KATNAL2: variants seen among roughly 807,000 people sequenced by gnomAD.
KATNAL2 encodes katanin p60 ATPase-containing subunit A-like 2.
KATNAL2 carries 52 observed loss-of-function variants against 76.3 expected under a neutral mutation model. The ratio of observed to expected loss-of-function variants is 0.68; its 90% confidence interval spans 0.55 to 0.86. KATNAL2 has a LOEUF of 0.86. Among genes scored for constraint, KATNAL2 ranks in the 40% least tolerant of loss-of-function variants. The pLI is 0.00. For synonymous variants in KATNAL2, 243 were observed against 244.2 expected (o/e 1.00, Z 0.05); for missense variants, 660 against 668.9 (o/e 0.99, Z 0.15).
chr18:47,052,659 G>A (rs2061369119), intron 4 of KATNAL2, among the ~76,000 whole-genome samples: 1 of 152,154 alleles, frequency 6.6e-6, no homozygotes, highest in South Asian at 2.1e-4. Flanking sequence ...GAATAAGTAT[G>A]TAACTTTCAA....
rs181756959 is a variant in KATNAL2, at chr18:47,071,084, C to T, written c.1008+1484C>T. On this transcript the variant is annotated intron_variant, in intron 13 of 17. Coordinates refer to ENST00000683218, the MANE Select transcript of KATNAL2 (RefSeq NM_001387690.1). ...TACAGTATTCACAGGATGCAAAACC[C>T]GAGTATATGTGGGTTTCCCAGGATC... is the stretch of plus-strand genomic sequence containing the variant. 1.1e-3 allele frequency among the ~76,000 whole-genome samples: 161 copies of T among 152,100 alleles called. 1 individual carries two copies. The highest frequency in any genetic ancestry group is 0.01 in the Admixed American group (153 of 15,274).
At position 47,067,191 on chromosome 18, in the gene KATNAL2, A is replaced by G. The variant is rs544246054; in HGVS notation, c.825+72A>G. On this transcript the variant is annotated intron_variant, in intron 11 of 17. Coordinates refer to ENST00000683218, the MANE Select transcript of KATNAL2 (RefSeq NM_001387690.1). ...TGGACAAGCTGTATGTCACACAACTATCAGGAAGGGAAGGGCAGGATGATT... is the reference window on the plus strand; with the variant it reads ...TGGACAAGCTGTATGTCACACAACTGTCAGGAAGGGAAGGGCAGGATGATT... 8.1e-5 allele frequency: 55 copies of G among 678,402 alleles called. 1 individual carries two copies. In the South Asian group the frequency reaches 1.3e-3, roughly 16 times the overall value. The allele number at this position is 678,402 out of a possible 1,614,324, so 42.0% of individuals were successfully genotyped here.
intron 3 of KATNAL2, among the ~76,000 whole-genome samples, chr18:46,948,361 C>T (rs1186254695): frequency 1.3e-5 from 2 of 151,668 alleles, no homozygotes; most frequent in East Asian, 3.9e-4. Flanking sequence ...ATCTTCCCCC[C>T]TCAGCCTCCC....
intron 12 of KATNAL2, 94 bp downstream of exon 12, chr18:47,069,377 A>G: frequency 5.2e-6 from 7 of 1,349,624 alleles, no homozygotes; most frequent in Non-Finnish European, 7.3e-6. Context: ...GGGGCACACG[A>G]GAGCTGAGCA....
At chr18:47,050,892 G>A (rs1004931754) in intron 4 of KATNAL2, among the ~76,000 whole-genome samples, 23 of 152,316 alleles carry the variant, frequency 1.5e-4, no homozygotes, top group African/African-American at 5.1e-4. Flanking sequence ...GAGGCACAGA[G>A]GAAGAAGGGG....
intron 11 of KATNAL2, among the ~76,000 whole-genome samples, chr18:47,068,774 A>T (rs915194201): frequency 1.2e-4 from 19 of 152,300 alleles, no homozygotes; most frequent in African/African-American, 4.6e-4. Context: ...TTCCAAAACA[A>T]GTTTCACCGT....
chr18:46,959,883 A>AT (rs963923543), intron 3 of KATNAL2, among the ~76,000 whole-genome samples: 2 of 152,134 alleles, frequency 1.3e-5, no homozygotes, highest in African/African-American at 4.8e-5. Context: ...CCAGGTTTTA[A>AT]TTTTAAATAC....
chr18:47,034,407 C>T (rs1285508197), intron 3 of KATNAL2: 5 of 1,614,056 alleles, frequency 3.1e-6, no homozygotes, highest in East Asian at 2.2e-5. Flanking sequence ...TGCCAGCTTG[C>T]CCCCCTTCCT....
At chr18:47,033,335 A>T in intron 3 of KATNAL2, 1 of 1,613,828 alleles carries the variant, frequency 6.2e-7, no homozygotes, top group Non-Finnish European at 8.5e-7. Flanking sequence ...ACAGATTTGA[A>T]ACAGATCATC....
At chr18:47,033,295 C>A in intron 3 of KATNAL2, 1 of 1,613,572 alleles carries the variant, frequency 6.2e-7, no homozygotes, top group Non-Finnish European at 8.5e-7. Context: ...CTTCTCTTGC[C>A]TCCTTGAAGT....
intron 3 of KATNAL2, among the ~76,000 whole-genome samples, chr18:46,956,521 A>C (rs1159357069): frequency 6.6e-6 from 1 of 152,130 alleles, no homozygotes; most frequent in Non-Finnish European, 1.5e-5. Flanking sequence ...CAATTTAATA[A>C]AGTGTCCCTT....
intron 15 of KATNAL2, among the ~76,000 whole-genome samples, chr18:47,081,056 CTT>C (rs1001347931): frequency 4.1e-5 from 6 of 147,014 alleles, no homozygotes; most frequent in South Asian, 2.1e-4. Flanking sequence ...TTCCTTCCCT[CTT>C]CTTTCTTTCC....
At chr18:46,932,196 C>G (rs1285672055) in intron 1 of KATNAL2, among the ~76,000 whole-genome samples, 1 of 152,116 alleles carries the variant, frequency 6.6e-6, no homozygotes, top group Non-Finnish European at 1.5e-5. Context: ...CAGGCGTGAG[C>G]CACCACGCCC....
chr18:46,966,010 G>C (rs2060122539), intron 3 of KATNAL2, among the ~76,000 whole-genome samples: 1 of 151,098 alleles, frequency 6.6e-6, no homozygotes. Flanking sequence ...GTGTGTGTGT[G>C]TGTGTGTGTG....
At chr18:46,923,987 A>G (rs941817457) in intron 1 of KATNAL2, among the ~76,000 whole-genome samples, 1 of 152,038 alleles carries the variant, frequency 6.6e-6, no homozygotes, top group Non-Finnish European at 1.5e-5. Flanking sequence ...CCTTTGTTGG[A>G]TGAGTAGGTT....
At chr18:47,055,542 A>G (rs1257622604) in intron 6 of KATNAL2, among the ~76,000 whole-genome samples, 1 of 152,178 alleles carries the variant, frequency 6.6e-6, no homozygotes, top group African/African-American at 2.4e-5. Context: ...ACGCTCCACG[A>G]TCCTACTTGT....
chr18:47,053,952 A>G (rs148591987), intron 5 of KATNAL2, among the ~76,000 whole-genome samples: 106 of 152,306 alleles, frequency 7.0e-4, no homozygotes, highest in African/African-American at 2.5e-3. Flanking sequence ...CATGATACCC[A>G]AATTCTCCTA....
chr18:46,954,018 G>T (rs1292963472), intron 3 of KATNAL2, among the ~76,000 whole-genome samples: 1 of 152,056 alleles, frequency 6.6e-6, no homozygotes, highest in Non-Finnish European at 1.5e-5. Flanking sequence ...CTTTGTGGGG[G>T]TGAAAGCAGG....
At chr18:46,948,232 T>C (rs1252879239) in intron 3 of KATNAL2, among the ~76,000 whole-genome samples, 1 of 151,972 alleles carries the variant, frequency 6.6e-6, no homozygotes, top group Non-Finnish European at 1.5e-5. Context: ...TGCCTCAGCC[T>C]CCCGAGTAGC....
Sources: allele counts gnomAD v4.1 joint callset (sites outside exome capture counted in the v4.1 genomes callset), GRCh38; gene constraint gnomAD v4.1.1; transcripts MANE v1.5; gene names NCBI Gene and HGNC (gene_info 2026-07-23, HGNC 2026-07-21).